Variants in TRAF3IP1 observed in about 807,000 individuals in gnomAD.
TRAF3IP1 encodes the protein intraflagellar transport 54.
Under a neutral mutation model 89.9 loss-of-function variants are expected in TRAF3IP1, and 53 were observed. The ratio of observed to expected loss-of-function variants is 0.59; its 90% CI spans 0.47 to 0.74. TRAF3IP1 has a LOEUF of 0.74. TRAF3IP1 is among the 30% of genes least tolerant of loss of function. The pLI is 0.00. For synonymous variants in TRAF3IP1, 311 were observed against 322.1 expected (o/e 0.97, Z 0.37); for missense variants, 806 against 866.1 (o/e 0.93, Z 0.87).
intron 15 of TRAF3IP1, among the ~76,000 whole-genome samples, chr2:238,385,727 G>A (rs547393229): frequency 1.1e-4 from 16 of 152,184 alleles, no homozygotes; most frequent in Non-Finnish European, 1.9e-4. Context: ...ACCCACCTCT[G>A]GTGATGAGAA....
intron 15 of TRAF3IP1, among the ~76,000 whole-genome samples, chr2:238,395,724 G>C (rs1468903901): frequency 6.6e-6 from 1 of 152,040 alleles, no homozygotes; most frequent in Non-Finnish European, 1.5e-5. Flanking sequence ...CAAAGGATAT[G>C]AACACACACT....
At chr2:238,378,595 G>A (rs77395303) in intron 15 of TRAF3IP1, among the ~76,000 whole-genome samples, 5,752 of 152,248 alleles carry the variant, frequency 0.038, 355 homozygotes, top group African/African-American at 0.13. Context: ...ATATTAAAGT[G>A]GAATTGGCCT....
In TRAF3IP1 at chr2:238,345,048, A is replaced by G. The variant is rs1227441890; in HGVS notation, c.1261+450A>G. ...CACCATAAATTTTCTCAGCCTTTAA[A>G]AAAACTTTGGTAAAATAGCCATTCA... On this transcript the variant is annotated intron_variant, in intron 9 of 16. Transcript: ENST00000373327. The surrounding 1 kb of genome is among the most constrained non-coding windows in gnomAD (Gnocchi z 4.7). Among the ~76,000 whole-genome samples the G allele has an allele frequency of 6.6e-6, 1 of 152,184 alleles. No homozygotes were observed. Among genetic ancestry groups the G allele is most frequent in the Non-Finnish European group, 1.5e-5 (1 of 68,024 alleles).
At chr2:238,366,935 G>A (rs866560978) in intron 15 of TRAF3IP1, among the ~76,000 whole-genome samples, 1 of 151,860 alleles carries the variant, frequency 6.6e-6, no homozygotes, top group African/African-American at 2.4e-5. Context: ...AGGCCGAGGC[G>A]GGCAGATCAC....
At chr2:238,386,830 C>T (rs569165099) in intron 15 of TRAF3IP1, among the ~76,000 whole-genome samples, 14 of 152,064 alleles carry the variant, frequency 9.2e-5, no homozygotes, top group East Asian at 5.8e-4. Flanking sequence ...AGCTCACTTA[C>T]GCTGGCTTAA....
intron 7 of TRAF3IP1, among the ~76,000 whole-genome samples, chr2:238,335,308 G>C (rs1698330446): frequency 6.6e-6 from 1 of 151,938 alleles, no homozygotes; most frequent in Non-Finnish European, 1.5e-5. Flanking sequence ...TTAATTCATG[G>C]TATAAGGTGA....
In TRAF3IP1 at chr2:238,336,844, A is replaced by G. The variant is rs184771588; in HGVS notation, c.1064-1518A>G. Among the ~76,000 whole-genome samples the G allele has an allele frequency of 1.6e-4, 25 of 152,274 alleles. No individual in the cohort carries two copies. In the Middle Eastern group the frequency reaches 0.01, roughly 62 times the overall value. Reference sequence around the variant, plus strand: ...TAAAGCTAAGAAGGAACATAGCATGAAACAGCTTGGTAAGCTAAGTGAACC... The same window carrying G: ...TAAAGCTAAGAAGGAACATAGCATGGAACAGCTTGGTAAGCTAAGTGAACC... On this transcript the variant is annotated intron_variant, in intron 7 of 16. Transcript: ENST00000373327.
At chr2:238,337,353 G>A (rs1698432642) in intron 7 of TRAF3IP1, among the ~76,000 whole-genome samples, 1 of 152,164 alleles carries the variant, frequency 6.6e-6, no homozygotes, top group Non-Finnish European at 1.5e-5. Flanking sequence ...GGTGAGGTGG[G>A]TGGAGAGAGG....
At chr2:238,392,304 C>T (rs1701026890) in intron 15 of TRAF3IP1, among the ~76,000 whole-genome samples, 1 of 152,170 alleles carries the variant, frequency 6.6e-6, no homozygotes, top group African/African-American at 2.4e-5. Context: ...ACATTGTCAA[C>T]CAGGATATTG....
chr2:238,334,222 A>C (rs1324806171), intron 7 of TRAF3IP1, among the ~76,000 whole-genome samples, 187 bp downstream of exon 7: 1 of 152,198 alleles, frequency 6.6e-6, no homozygotes, highest in Non-Finnish European at 1.5e-5. Flanking sequence ...TGTGTGCACA[A>C]GTGTGTGAAC....
rs1698844484 is a variant in TRAF3IP1 at position 238,345,382 on chromosome 2, G to A, written c.1261+784G>A. Reference sequence around the variant, plus strand: ...GGACGGGAGGGGCCTTGGTTGGTGAGGGTGGCCCAGAAAGCCTGCAGGGCA... The same window carrying A: ...GGACGGGAGGGGCCTTGGTTGGTGAAGGTGGCCCAGAAAGCCTGCAGGGCA... On this transcript the variant is annotated intron_variant, in intron 9 of 16. Coordinates refer to ENST00000373327, the MANE Select transcript of TRAF3IP1 (RefSeq NM_015650.4). This position sits in a 1 kb window ranked among gnomAD's most constrained non-coding sequence, Gnocchi z 4.7. Among the ~76,000 whole-genome samples, 1 of 152,182 alleles carries A rather than the reference G, an allele frequency of 6.6e-6. No individual in the cohort carries two copies. The highest frequency in any genetic ancestry group is 2.4e-5 in the African/African-American group (1 of 41,440).
intron 1 of TRAF3IP1, among the ~76,000 whole-genome samples, chr2:238,323,317 G>T (rs376957825): frequency 1.0e-3 from 155 of 152,296 alleles, no homozygotes; most frequent in Middle Eastern, 6.8e-3. Flanking sequence ...GACCTCAGGT[G>T]ATCCGCCTGC....
intron 15 of TRAF3IP1, among the ~76,000 whole-genome samples, chr2:238,390,914 G>A (rs1700968492): frequency 6.6e-6 from 1 of 151,886 alleles, no homozygotes; most frequent in Non-Finnish European, 1.5e-5. Context: ...GTGGTTTTAG[G>A]TCATATTTTG....
intron 15 of TRAF3IP1, among the ~76,000 whole-genome samples, chr2:238,375,827 A>G (rs1240481554): frequency 6.6e-6 from 1 of 152,220 alleles, no homozygotes; most frequent in Non-Finnish European, 1.5e-5. Context: ...TCTTTTTAAA[A>G]AAGTAAAGCT....
At chr2:238,373,070 C>A (rs1254907082) in intron 15 of TRAF3IP1, among the ~76,000 whole-genome samples, 1 of 152,130 alleles carries the variant, frequency 6.6e-6, no homozygotes, top group Non-Finnish European at 1.5e-5. Context: ...AATTTTCTCC[C>A]ATTCTGTAGG....
At chr2:238,350,352 G>A (rs1158599767) in intron 12 of TRAF3IP1, among the ~76,000 whole-genome samples, 1 of 152,194 alleles carries the variant, frequency 6.6e-6, no homozygotes, top group East Asian at 1.9e-4. Context: ...GTCCCCGTGT[G>A]GGTGTGGGAA....
chr2:238,383,853 C>T (rs1037066039), intron 15 of TRAF3IP1, among the ~76,000 whole-genome samples: 1 of 152,124 alleles, frequency 6.6e-6, no homozygotes, highest in Non-Finnish European at 1.5e-5. Flanking sequence ...TTATTCTTTG[C>T]ATGGTGTTCT....
chr2:238,320,822 C>G, intron 1 of TRAF3IP1, 37 bp downstream of exon 1: 1 of 1,351,472 alleles, frequency 7.4e-7, no homozygotes, highest in Non-Finnish European at 9.7e-7. Flanking sequence ...AGGTGCGGGT[C>G]GGGATTCCGG....
intron 7 of TRAF3IP1, among the ~76,000 whole-genome samples, chr2:238,336,186 C>A (rs1698382911): frequency 6.6e-6 from 1 of 152,138 alleles, no homozygotes; most frequent in Non-Finnish European, 1.5e-5. Flanking sequence ...CTAATTGCTT[C>A]TGATATGTGC....
Sources: gnomAD v4.1 joint callset for allele counts (sites outside exome capture counted in the v4.1 genomes callset) on GRCh38, gnomAD v4.1.1 for gene constraint, Gnocchi (gnomAD v3.1) non-coding constraint, MANE v1.5 for transcripts, NCBI Gene and HGNC (gene_info 2026-07-23, HGNC 2026-07-21) for gene names.